The following MCOLN3 variants were observed in gnomAD, a reference collection of about 807,000 sequenced individuals.
MCOLN3 encodes the protein mucolipin TRP cation channel 3.
Under a neutral mutation model 69.4 loss-of-function variants are expected in MCOLN3, and 62 were observed. The ratio of observed to expected loss-of-function variants is 0.89; its 90% CI spans 0.73 to 1.10. MCOLN3 has a LOEUF of 1.10. Ranked by LOEUF, MCOLN3 falls within the 50% of genes least tolerant of loss-of-function variation. The pLI is 0.00. For missense variants in MCOLN3, 564 were observed against 656.4 expected (o/e 0.86, Z 1.54); for synonymous variants, 183 against 217.0 (o/e 0.84, Z 1.38).
At chr1:85,021,305 T>G in intron 11 of MCOLN3, 29 bp from the exon 12 acceptor site, 1 of 1,568,506 alleles carries the variant, frequency 6.4e-7, no homozygotes. Flanking sequence ...AAAGTTCACT[T>G]TATTCCATGT....
rs532050631 is a variant in MCOLN3 at position 85,037,503 on chromosome 1, T to C, written c.397-3252A>G. Reference sequence around the variant, plus strand: ...TCTTAAACCTTTTAAGTTCTTGAACTGTGAAAGATCTGAGACCCACGGCTG... The same window carrying C: ...TCTTAAACCTTTTAAGTTCTTGAACCGTGAAAGATCTGAGACCCACGGCTG... On this transcript the variant is annotated intron_variant, in intron 3 of 12. Transcript: ENST00000370589. Among the ~76,000 whole-genome samples, 8 of 152,378 alleles carry C rather than the reference T, an allele frequency of 5.3e-5. No homozygotes were observed. The South Asian group carries it at 1.7e-3, about 32-fold the overall frequency.
chr1:85,036,479 G>A (rs1015038584), intron 3 of MCOLN3, among the ~76,000 whole-genome samples: 12 of 152,110 alleles, frequency 7.9e-5, no homozygotes, highest in African/African-American at 1.9e-4. Flanking sequence ...ATGAGCCACC[G>A]TACCCAACCA....
intron 7 of MCOLN3, among the ~76,000 whole-genome samples, chr1:85,027,167 T>C (rs1352526714): frequency 1.3e-5 from 2 of 152,210 alleles, no homozygotes; most frequent in East Asian, 1.9e-4. Context: ...GTGAACAAGA[T>C]AGACAAGGCC....
intron 4 of MCOLN3, 30 bp downstream of exon 4, chr1:85,034,068 T>A: frequency 1.9e-6 from 3 of 1,606,926 alleles, no homozygotes; most frequent in Non-Finnish European, 2.6e-6. Context: ...GTGTTAAAAA[T>A]TGAGGTTCTA....
intron 1 of MCOLN3, among the ~76,000 whole-genome samples, chr1:85,046,490 G>A (rs1257050382): frequency 6.6e-6 from 1 of 152,186 alleles, no homozygotes; most frequent in Non-Finnish European, 1.5e-5. Flanking sequence ...CCCAAACAAT[G>A]AGTAGCGTCC....
chr1:85,043,899 T>A (rs371527345), intron 2 of MCOLN3, among the ~76,000 whole-genome samples: 20 of 151,192 alleles, frequency 1.3e-4, no homozygotes, highest in African/African-American at 4.6e-4. Context: ...AGTGCAGTGG[T>A]GTGATCACCA....
At chr1:85,022,424 ATC>A in intron 9 of MCOLN3, 24 bp from the exon 10 acceptor site, 1 of 1,482,734 alleles carries the variant, frequency 6.7e-7, no homozygotes. Context: ...GAAAAATATA[ATC>A]AGATTATAAA....
chr1:85,041,493 C>T (rs1306352780), intron 2 of MCOLN3, among the ~76,000 whole-genome samples: 2 of 152,184 alleles, frequency 1.3e-5, no homozygotes, highest in South Asian at 2.1e-4. Flanking sequence ...CAGCATTTTA[C>T]GTGAAACTCA....
intron 4 of MCOLN3, 54 bp downstream of exon 4, chr1:85,034,043 TA>T: frequency 6.4e-7 from 1 of 1,555,706 alleles, no homozygotes; most frequent in Non-Finnish European, 8.8e-7. Context: ...TTACTAATTT[TA>T]AATATAAATT....
chr1:85,033,501 C>A (rs1457947562), intron 4 of MCOLN3, among the ~76,000 whole-genome samples: 1 of 152,016 alleles, frequency 6.6e-6, no homozygotes, highest in Non-Finnish European at 1.5e-5. Context: ...AAAAGTATTT[C>A]AATACTTATT....
Position 85,022,332 on chromosome 1 carries a change from G to A in MCOLN3, c.1164C>T (p.Val388=), listed in dbSNP as rs199888608. 15 of 1,613,864 alleles carry A rather than the reference G, an allele frequency of 9.3e-6. No individual in the cohort carries two copies. In the East Asian group the frequency reaches 3.1e-4, roughly 34 times the overall value. The change falls in exon 10 of 13, where the codon GTC becomes GTT. Residue 388 remains valine (V), a synonymous_variant. Transcript: ENST00000370589. ...TTGCAAAGAAACCGAGGTATCGGAT[G>A]ACTCCAAGCCACACGAGCATGGTAG... ...GTSTMLVWLG[V]IRYLGFFAKY... is the part of the protein sequence containing the mutation.
chr1:85,035,775 G>A (rs1410432868), intron 3 of MCOLN3, among the ~76,000 whole-genome samples: 1 of 152,118 alleles, frequency 6.6e-6, no homozygotes, highest in Non-Finnish European at 1.5e-5. Context: ...TCTCACCTTA[G>A]TCTAGTCTCC....
chr1:85,038,097 C>A (rs1652884446), intron 3 of MCOLN3, among the ~76,000 whole-genome samples: 1 of 152,128 alleles, frequency 6.6e-6, no homozygotes, highest in Non-Finnish European at 1.5e-5. Context: ...TCCCGGAAGA[C>A]CCTGAGGCCT....
At chr1:85,037,092 A>T (rs1196437389) in intron 3 of MCOLN3, among the ~76,000 whole-genome samples, 1 of 152,126 alleles carries the variant, frequency 6.6e-6, no homozygotes. Flanking sequence ...GAGTTGGTAA[A>T]CTGTTAGGAT....
intron 9 of MCOLN3, chr1:85,024,876 C>T (rs1474802147): frequency 1.3e-5 from 2 of 152,184 alleles, no homozygotes; most frequent in Non-Finnish European, 2.9e-5. Flanking sequence ...AAGTGTCAAC[C>T]TAAACCCATT....
At chr1:85,046,566 A>C (rs1653365050) in intron 1 of MCOLN3, among the ~76,000 whole-genome samples, 1 of 152,244 alleles carries the variant, frequency 6.6e-6, no homozygotes, top group Admixed American at 6.5e-5. Flanking sequence ...TCAGCAATGA[A>C]GAAGGAAAAT....
chr1:85,032,481 T>C (rs950055897), intron 6 of MCOLN3, among the ~76,000 whole-genome samples: 5 of 152,212 alleles, frequency 3.3e-5, no homozygotes, highest in African/African-American at 1.2e-4. Flanking sequence ...TCCCTGCTTT[T>C]CTAGAACTTA....
chr1:85,022,833 A>G lies in MCOLN3; in HGVS notation c.1096-433T>C, dbSNP rs570165059. The G allele has an allele frequency of 1.3e-4, 23 of 173,032 alleles. No homozygotes were observed. The South Asian group carries it at 3.6e-3, about 27-fold the overall frequency. 10.7% of individuals were successfully genotyped at this position (173,032 alleles called of 1,614,324 possible). On this transcript the variant is annotated intron_variant, in intron 9 of 12. Transcript: ENST00000370589. ...TGGCAAGGATATTGCATCTGGCTGG[A>G]GTGAGCAATAGAAAGGGTATACAGT...
chr1:85,043,622 G>A (rs560389402), intron 2 of MCOLN3, among the ~76,000 whole-genome samples: 2 of 151,938 alleles, frequency 1.3e-5, no homozygotes, highest in African/African-American at 4.8e-5. Context: ...ATTATTCTAA[G>A]TAGAAAATAT....
Sources: gnomAD v4.1 joint callset for allele counts (sites outside exome capture counted in the v4.1 genomes callset) on GRCh38, gnomAD v4.1.1 for gene constraint, MANE v1.5 for transcripts, NCBI Gene and HGNC (gene_info 2026-07-23, HGNC 2026-07-21) for gene names.